CTNND2: variants seen among roughly 807,000 people sequenced by gnomAD.
CTNND2 encodes the protein catenin delta-2.
In CTNND2, 22 loss-of-function variants were observed where a neutral mutation model predicts 144.4. The ratio of observed to expected loss-of-function variants is 0.15; its 90% CI spans 0.11 to 0.22. The LOEUF (loss-of-function observed/expected upper bound fraction) is 0.22. CTNND2 is among the 10% of genes least tolerant of loss of function. The pLI is 1.00. For missense variants in CTNND2, 1,353 were observed against 1,618.8 expected (o/e 0.84, Z 2.82); for synonymous variants, 751 against 695.6 (o/e 1.08, Z -1.25).
intron 11 of CTNND2, among the ~76,000 whole-genome samples, chr5:11,165,791 A>G (rs569017876): frequency 3.9e-5 from 6 of 152,220 alleles, no homozygotes; most frequent in Admixed American, 6.5e-5. Flanking sequence ...ATAAAACCTT[A>G]ATTACTTTCA....
At chr5:11,081,300 G>T (rs1335315546) in intron 16 of CTNND2, among the ~76,000 whole-genome samples, 2 of 152,140 alleles carry the variant, frequency 1.3e-5, no homozygotes, top group Non-Finnish European at 2.9e-5. Flanking sequence ...TTTCAAAATT[G>T]CTAAGAGTAA....
chr5:11,868,203 A>G (rs1178727167), intron 1 of CTNND2, among the ~76,000 whole-genome samples: 5 of 152,026 alleles, frequency 3.3e-5, no homozygotes, highest in Non-Finnish European at 7.4e-5. Context: ...TGAGGATCAC[A>G]CTAGCCCCAA....
intron 9 of CTNND2, among the ~76,000 whole-genome samples, chr5:11,252,578 T>A (rs1442784350): frequency 6.6e-6 from 1 of 152,226 alleles, no homozygotes; most frequent in East Asian, 1.9e-4. Context: ...CCTCACTTAA[T>A]GTTCATCACA....
At chr5:11,332,108 C>T (rs1580931511) in intron 9 of CTNND2, among the ~76,000 whole-genome samples, 1 of 151,738 alleles carries the variant, frequency 6.6e-6, no homozygotes, top group East Asian at 1.9e-4. Context: ...AAACCCCGTC[C>T]CTACTAAAAA....
rs577182550 is a variant in CTNND2 at position 11,305,395 on chromosome 5, C to T, written c.1628+40977G>A. 7.5e-4 allele frequency among the ~76,000 whole-genome samples: 114 copies of T among 152,306 alleles called. 1 individual carries two copies. Among genetic ancestry groups the T allele is most frequent in the African/African-American group, 2.5e-3 (105 of 41,564 alleles). ...CCCCACTCCAGTGCCTTTGGTCATG[C>T]CACTGCAGCTTTCAGGCCAATACTG... On this transcript the variant is annotated intron_variant, in intron 9 of 21. Transcript: ENST00000304623.
At chr5:11,706,464 T>C (rs1295628684) in intron 2 of CTNND2, among the ~76,000 whole-genome samples, 2 of 152,186 alleles carry the variant, frequency 1.3e-5, no homozygotes, top group South Asian at 2.1e-4. Context: ...GTAAAATTTA[T>C]CCTTCTTAGG....
intron 19 of CTNND2, among the ~76,000 whole-genome samples, chr5:10,990,473 A>C (rs1276027429): frequency 6.6e-6 from 1 of 152,132 alleles, no homozygotes; most frequent in African/African-American, 2.4e-5. Flanking sequence ...TTGGTTCACC[A>C]TCTTTCTCTT....
intron 9 of CTNND2, among the ~76,000 whole-genome samples, chr5:11,286,859 C>A (rs1490585120): frequency 6.6e-6 from 1 of 152,168 alleles, no homozygotes; most frequent in East Asian, 1.9e-4. Context: ...CACATTTGCC[C>A]AGGACACATG....
chr5:11,529,517 CG>C (rs1287090944), intron 3 of CTNND2, among the ~76,000 whole-genome samples: 1 of 151,894 alleles, frequency 6.6e-6, no homozygotes, highest in Non-Finnish European at 1.5e-5. Context: ...GAAAAACTCA[CG>C]GGAAAAAAAA....
At position 11,467,306 on chromosome 5, in the gene CTNND2, T is replaced by TC. The variant is rs368537468; in HGVS notation, c.288-55238dup. On this transcript the variant is annotated intron_variant, in intron 3 of 21. Coordinates refer to ENST00000304623, the MANE Select transcript of CTNND2 (RefSeq NM_001332.4). ...CTTGCTTCATCTCTCCTCTTCCACTTCCTGCATGGTTTCTGCTCGTCCTGG... is the reference window on the plus strand; with the variant it reads ...CTTGCTTCATCTCTCCTCTTCCACTTCCCTGCATGGTTTCTGCTCGTCCTGG... Among the ~76,000 whole-genome samples, 365 of 152,342 alleles carry TC rather than the reference T, an allele frequency of 2.4e-3. 1 individual carries two copies. The highest frequency in any genetic ancestry group is 8.3e-3 in the African/African-American group (344 of 41,588).
At chr5:11,835,674 AGTGTCGGTAAT>A (rs1362650885) in intron 1 of CTNND2, among the ~76,000 whole-genome samples, 1 of 152,106 alleles carries the variant, frequency 6.6e-6, no homozygotes, top group Non-Finnish European at 1.5e-5. Flanking sequence ...TTTTGTTGCT[AGTGTCGGTAAT>A]GTGTCTTCTC....
In CTNND2 at chr5:11,818,923, A is replaced by C. The variant is rs537733256; in HGVS notation, c.37+84894T>G. ...GCTGTGGAGGTGATGAGTGGAGGGA[A>C]GCAGGCACCATGTGTCTCAAAGACC... On this transcript the variant is annotated intron_variant, in intron 1 of 21. Coordinates refer to ENST00000304623, the MANE Select transcript of CTNND2 (RefSeq NM_001332.4). Among the ~76,000 whole-genome samples the C allele has an allele frequency of 2.6e-5, 4 of 152,240 alleles. No individual in the cohort carries two copies. In the East Asian group the frequency reaches 7.7e-4, roughly 29 times the overall value.
intron 18 of CTNND2, among the ~76,000 whole-genome samples, chr5:10,996,948 G>A (rs1304826861): frequency 6.6e-6 from 1 of 152,090 alleles, no homozygotes; most frequent in East Asian, 1.9e-4. Context: ...AATGGGAGGT[G>A]GACAGAAGAC....
In CTNND2 at chr5:11,159,725, G is replaced by T; in HGVS notation, c.2010C>A (p.Leu670=). The change falls in exon 12 of 22, where the codon CTC becomes CTA. Residue 670 remains leucine (L), a synonymous_variant. Transcript: ENST00000304623. The part of the protein sequence containing the change: ...VLWNLSSCDA[L]KMPIIQDALA... ...GGGCATCCTGGATGATTGGCATTTT[G>T]AGTGCATCGCATGAGGAGAGGTTCC... 6.2e-7 allele frequency: 1 copy of T among 1,606,846 alleles called. No individual in the cohort carries two copies. Among genetic ancestry groups the T allele is most frequent in the South Asian group, 1.1e-5 (1 of 89,582 alleles).
chr5:11,279,836 G>A (rs950316437), intron 9 of CTNND2, among the ~76,000 whole-genome samples: 2 of 151,978 alleles, frequency 1.3e-5, no homozygotes, highest in African/African-American at 2.4e-5. Flanking sequence ...ATGGTATGGG[G>A]GTGGGATGCC....
At chr5:11,331,580 TCCTACCTCATCTTCC>T (rs574255522) in intron 9 of CTNND2, among the ~76,000 whole-genome samples, 471 of 152,314 alleles carry the variant, frequency 3.1e-3, no homozygotes, top group African/African-American at 0.01. Context: ...TAGTTAACAT[TCCTACCTCATCTTCC>T]CTATGGAAAA....
At chr5:11,647,137 G>C (rs1232048803) in intron 2 of CTNND2, among the ~76,000 whole-genome samples, 2 of 152,054 alleles carry the variant, frequency 1.3e-5, no homozygotes, top group Non-Finnish European at 2.9e-5. Flanking sequence ...AAACTCTACT[G>C]TTCTTTGCTC....
intron 2 of CTNND2, among the ~76,000 whole-genome samples, chr5:11,638,885 T>C (rs1581648122): frequency 6.6e-6 from 1 of 152,284 alleles, no homozygotes; most frequent in East Asian, 1.9e-4. Flanking sequence ...ATAACCTCAA[T>C]TTTAGAACAA....
intron 11 of CTNND2, among the ~76,000 whole-genome samples, chr5:11,164,859 ATCC>A (rs946485349): frequency 4.1e-4 from 63 of 152,296 alleles, no homozygotes; most frequent in South Asian, 1.9e-3. Flanking sequence ...TCACTGTTCC[ATCC>A]TCCAACAGGG....
Sources: allele counts gnomAD v4.1 joint callset (sites outside exome capture counted in the v4.1 genomes callset), GRCh38; gene constraint gnomAD v4.1.1; transcripts MANE v1.5; gene names NCBI Gene and HGNC (gene_info 2026-07-23, HGNC 2026-07-21).